Variants in KCNH8 observed in about 807,000 individuals in gnomAD.
The protein encoded by KCNH8 is voltage-gated delayed rectifier potassium channel KCNH8.
In KCNH8, 70 loss-of-function variants were observed where a neutral mutation model predicts 103.6. The observed-to-expected ratio is 0.68, with a 90% CI of 0.56 to 0.82. The LOEUF is 0.82. Ranked by LOEUF, KCNH8 falls within the 40% of genes least tolerant of loss-of-function variation. The pLI is 0.00. For synonymous variants in KCNH8, 498 were observed against 489.4 expected, an observed-to-expected ratio of 1.02 and a Z score of -0.23; for missense variants, 1,217 against 1,329.9, an observed-to-expected ratio of 0.92 and a Z score of 1.32.
At chr3:19,364,316 G>C (rs556172931) in intron 5 of KCNH8, among the ~76,000 whole-genome samples, 14 of 152,262 alleles carry the variant, frequency 9.2e-5, no homozygotes, top group African/African-American at 3.1e-4. Context: ...ATCTAGGATT[G>C]AGTAATAGGG....
At chr3:19,471,844 C>A (rs1433303075) in intron 11 of KCNH8, among the ~76,000 whole-genome samples, 1 of 152,094 alleles carries the variant, frequency 6.6e-6, no homozygotes, top group Non-Finnish European at 1.5e-5. Flanking sequence ...TTACTGAATG[C>A]CAGCTAAGTT....
chr3:19,459,682 T>C (rs76440902), intron 11 of KCNH8, among the ~76,000 whole-genome samples: 6,449 of 152,176 alleles, frequency 0.042, 310 homozygotes, highest in East Asian at 0.23. Context: ...TCCAGACCAA[T>C]GTCATGGAGC....
At chr3:19,169,346 C>T (rs1483981533) in intron 1 of KCNH8, among the ~76,000 whole-genome samples, 4 of 151,430 alleles carry the variant, frequency 2.6e-5, no homozygotes, top group East Asian at 3.9e-4. Context: ...GCAAGCTCCG[C>T]CTCCCGGGTT....
intron 1 of KCNH8, among the ~76,000 whole-genome samples, chr3:19,176,078 G>C (rs1308419656): frequency 2.0e-5 from 3 of 152,096 alleles, no homozygotes; most frequent in Non-Finnish European, 2.9e-5. Flanking sequence ...GTTTCCTGTT[G>C]TTAGAATTTT....
intron 15 of KCNH8, among the ~76,000 whole-genome samples, chr3:19,519,646 T>C (rs543712139): frequency 6.6e-6 from 1 of 151,240 alleles, no homozygotes; most frequent in African/African-American, 2.4e-5. Context: ...AAATAACCTC[T>C]TGTTAAAACA....
At chr3:19,528,218 T>G (rs189999632) in intron 15 of KCNH8, among the ~76,000 whole-genome samples, 1 of 152,044 alleles carries the variant, frequency 6.6e-6, no homozygotes, top group African/African-American at 2.4e-5. Flanking sequence ...TCTGAAGAAA[T>G]AGCTATCCAG....
chr3:19,451,264 C>G lies in KCNH8; in HGVS notation c.1685C>G (p.Ser562Cys). The G allele has an allele frequency of 1.9e-6, 3 of 1,613,944 alleles. No homozygotes were observed. The highest frequency in any genetic ancestry group is 2.5e-6 in the Non-Finnish European group (3 of 1,179,900). Residue 562 changes from serine (S) to cysteine (C), a missense_variant, in exon 10 of 16, where the codon TCT becomes TGT. By Grantham distance (112) the Ser-to-Cys change is moderately radical. Around this residue, in one of 3 missense-constraint regions of KCNH8, gnomAD observed 415 missense variants for 577.4 expected, o/e 0.72. Transcript: ENST00000328405. ...TGTGCCAGCCGGGGCTGCCTCAGGT[C>G]TCTGTCTCTACACATCAAAACCTCT... ...FECASRGCLR[S>C]LSLHIKTSFC...
rs529969560 is a variant in KCNH8, at chr3:19,360,013, C to T, written c.811+12048C>T. On this transcript the variant is annotated intron_variant, in intron 5 of 15. Coordinates refer to ENST00000328405, the MANE Select transcript of KCNH8 (RefSeq NM_144633.3). ...GAATAAACAAAATTAGAGTAAAAAACATACATATAAGAGTTAAGTGATTAC... is the reference window on the plus strand; with the variant it reads ...GAATAAACAAAATTAGAGTAAAAAATATACATATAAGAGTTAAGTGATTAC... Among the ~76,000 whole-genome samples the T allele has an allele frequency of 7.2e-5, 11 of 152,030 alleles. No individual in the cohort carries two copies. In the East Asian group the frequency reaches 1.4e-3, roughly 19 times the overall value.
intron 14 of KCNH8, among the ~76,000 whole-genome samples, chr3:19,517,613 A>C (rs1207148657): frequency 6.6e-6 from 1 of 152,030 alleles, no homozygotes; most frequent in Admixed American, 6.6e-5. Context: ...AATGTTTAGA[A>C]TGGAACGAGA....
chr3:19,322,229 G>A (rs562291425), intron 3 of KCNH8, among the ~76,000 whole-genome samples: 4 of 152,096 alleles, frequency 2.6e-5, no homozygotes, highest in African/African-American at 9.6e-5. Context: ...TATTCATTGT[G>A]CTATTTGTTA....
chr3:19,460,412 G>A (rs929711041), intron 11 of KCNH8, among the ~76,000 whole-genome samples: 2 of 152,130 alleles, frequency 1.3e-5, no homozygotes, highest in African/African-American at 4.8e-5. Context: ...TGCTGTTCAA[G>A]TTAGGAGTTG....
At chr3:19,469,919 T>C (rs1575104620) in intron 11 of KCNH8, among the ~76,000 whole-genome samples, 1 of 152,178 alleles carries the variant, frequency 6.6e-6, no homozygotes, top group African/African-American at 2.4e-5. Flanking sequence ...CAGTGAGGAC[T>C]GGACTCTACT....
chr3:19,346,236 G>GT (rs1483021683), intron 4 of KCNH8, among the ~76,000 whole-genome samples: 1 of 152,018 alleles, frequency 6.6e-6, no homozygotes, highest in Non-Finnish European at 1.5e-5. Flanking sequence ...CTCTTCCAAT[G>GT]TAACAGCCCG....
rs971352609 is a variant in KCNH8 at position 19,410,543 on chromosome 3, C to T, written c.1177+15232C>T. ...GCAGGAGAAAATAAATAACAAAAAT[C>T]GGAGTGGAACTGAATAAAATTAAAA... On this transcript the variant is annotated intron_variant, in intron 7 of 15. Coordinates refer to ENST00000328405, the MANE Select transcript of KCNH8 (RefSeq NM_144633.3). 7.9e-5 allele frequency among the ~76,000 whole-genome samples: 12 copies of T among 151,868 alleles called. No homozygotes were observed. The Middle Eastern group carries it at 0.017, about 215-fold the overall frequency.
intron 2 of KCNH8, among the ~76,000 whole-genome samples, chr3:19,257,595 A>G (rs559249873): frequency 9.2e-5 from 14 of 152,158 alleles, no homozygotes; most frequent in African/African-American, 3.4e-4. Context: ...TAACATGTCT[A>G]TCCTCTCTAC....
At chr3:19,359,755 G>T (rs1030411742) in intron 5 of KCNH8, among the ~76,000 whole-genome samples, 1 of 152,036 alleles carries the variant, frequency 6.6e-6, no homozygotes, top group Non-Finnish European at 1.5e-5. Flanking sequence ...AAGATTAGTT[G>T]TGTATATATA....
intron 11 of KCNH8, among the ~76,000 whole-genome samples, chr3:19,484,026 T>C (rs1002133099): frequency 1.4e-4 from 22 of 152,104 alleles, no homozygotes; most frequent in African/African-American, 5.3e-4. Flanking sequence ...ATTAAGAGAG[T>C]CACATTTCCT....
chr3:19,237,629 T>C (rs2064082719), intron 1 of KCNH8, among the ~76,000 whole-genome samples: 1 of 152,166 alleles, frequency 6.6e-6, no homozygotes, highest in Non-Finnish European at 1.5e-5. Context: ...GTCATGTAAA[T>C]GTAGACAATG....
chr3:19,299,324 G>A (rs1281653468), intron 3 of KCNH8, among the ~76,000 whole-genome samples: 4 of 150,722 alleles, frequency 2.7e-5, no homozygotes, highest in Admixed American at 1.3e-4. Context: ...AGTGTCTGAT[G>A]TGCTCCTCAA....
Sources: allele counts gnomAD v4.1 joint callset (sites outside exome capture counted in the v4.1 genomes callset), GRCh38; gene constraint gnomAD v4.1.1; regional missense constraint gnomAD v4.1.1; transcripts MANE v1.5; gene names NCBI Gene and HGNC (gene_info 2026-07-23, HGNC 2026-07-21).